Variants in EFCAB3 observed in about 807,000 individuals in gnomAD.
The protein encoded by EFCAB3 is EF-hand calcium binding domain 3.
A neutral mutation model predicts 42.2 loss-of-function variants in EFCAB3; 36 were observed. The observed-to-expected ratio is 0.85, with a 90% CI of 0.65 to 1.13. The LOEUF (loss-of-function observed/expected upper bound fraction) is 1.13, where lower values mean the gene tolerates loss of function less well. Among genes scored for constraint, EFCAB3 ranks in the 50% most tolerant of loss-of-function variants. EFCAB3 has a pLI of 0.00. For missense variants in EFCAB3, 418 were observed against 505.1 expected, an observed-to-expected ratio of 0.83 and a Z score of 1.65; for synonymous variants, 170 against 172.8, an observed-to-expected ratio of 0.98 and a Z score of 0.13.
chr17:62,414,304 G>C (rs1038437448), intron 9 of EFCAB3, among the ~76,000 whole-genome samples: 6 of 152,154 alleles, frequency 3.9e-5, no homozygotes, highest in Non-Finnish European at 8.8e-5. Flanking sequence ...CTTGGCATTA[G>C]GTAAAGAACA....
In EFCAB3 at chr17:62,413,750, A is replaced by G. The variant is rs779062880; in HGVS notation, c.886A>G (p.Met296Val). 2 of 1,612,618 alleles carry G rather than the reference A, an allele frequency of 1.2e-6. No individual in the cohort carries two copies. The highest frequency in any genetic ancestry group is 1.7e-5 in the Admixed American group (1 of 59,868). Residue 296 changes from methionine (M) to valine (V), a missense_variant, in exon 9 of 10, where the codon ATG becomes GTG. By Grantham distance (21) the Met-to-Val change is conservative. Coordinates refer to ENST00000305286, the MANE Select transcript of EFCAB3 (RefSeq NM_173503.4). ...WKTQAANIKSMDPASGYSNNI... is the reference protein window; with the variant it reads ...WKTQAANIKSVDPASGYSNNI... ...CATAAAGGCAGCAAATATAAAGTCT[A>G]TGGACCCTGCCTCAGGTTATTCAAA...
At chr17:62,408,057 A>G (rs1157316515) in intron 8 of EFCAB3, among the ~76,000 whole-genome samples, 1 of 152,192 alleles carries the variant, frequency 6.6e-6, no homozygotes, top group Non-Finnish European at 1.5e-5. Flanking sequence ...TGGAAATAAG[A>G]GGACATTTAT....
Position 62,388,101 on chromosome 17 carries a change from T to A in EFCAB3, c.151+685T>A, listed in dbSNP as rs137898559. ...GGCGGGCACCTGTAATCCCAGCTAT[T>A]TGGGAGGCTGAGGCAGGGAGAATTG... On this transcript the variant is annotated intron_variant, in intron 3 of 9. Coordinates refer to ENST00000305286, the MANE Select transcript of EFCAB3 (RefSeq NM_173503.4). Among the ~76,000 whole-genome samples the A allele has an allele frequency of 3.7e-3, 569 of 152,116 alleles. 5 individuals carry two copies. Among genetic ancestry groups the A allele is most frequent in the African/African-American group, 0.013 (542 of 41,488 alleles).
At chr17:62,413,666 T>G (rs1055999096) in intron 8 of EFCAB3, 66 bp from the exon 9 acceptor site, 2 of 1,227,810 alleles carry the variant, frequency 1.6e-6, no homozygotes, top group Admixed American at 5.0e-5. Flanking sequence ...TTATTTATTA[T>G]GTCTTTTTGT....
chr17:62,383,205 G>A (rs2070219299), intron 2 of EFCAB3, 152 bp downstream of exon 2: 2 of 662,722 alleles, frequency 3.0e-6, no homozygotes, highest in South Asian at 4.4e-5. Context: ...GCCAGATGCA[G>A]TGGCTCACAC....
intron 6 of EFCAB3, among the ~76,000 whole-genome samples, chr17:62,398,324 C>T (rs980458344): frequency 9.9e-5 from 15 of 151,904 alleles, no homozygotes; most frequent in African/African-American, 2.2e-4. Flanking sequence ...TGCGGTGCTG[C>T]GCACCTGTAA....
intron 6 of EFCAB3, among the ~76,000 whole-genome samples, chr17:62,396,229 A>T (rs568524239): frequency 6.6e-6 from 1 of 152,316 alleles, no homozygotes; most frequent in Non-Finnish European, 1.5e-5. Context: ...ATGTGGAAGT[A>T]ACTAGACTAA....
At chr17:62,406,899 G>C (rs2070452764) in intron 7 of EFCAB3, 129 bp from the exon 8 acceptor site, 1 of 841,966 alleles carries the variant, frequency 1.2e-6, no homozygotes, top group Non-Finnish European at 1.8e-6. Flanking sequence ...GTGGGAGCAG[G>C]AGAGTGAAGA....
chr17:62,414,054 AT>A (rs2070523184), intron 9 of EFCAB3, among the ~76,000 whole-genome samples, 200 bp downstream of exon 9: 1 of 152,248 alleles, frequency 6.6e-6, no homozygotes, highest in Non-Finnish European at 1.5e-5. Flanking sequence ...AAGTGTTATG[AT>A]TCATCCTGCT....
intron 3 of EFCAB3, among the ~76,000 whole-genome samples, chr17:62,390,634 T>C (rs113672128): frequency 0.011 from 1,746 of 152,304 alleles, 38 homozygotes; most frequent in African/African-American, 0.039. Flanking sequence ...CAATCAATAT[T>C]TGTTGACTGC....
chr17:62,382,841 C>A, intron 1 of EFCAB3, 122 bp from the exon 2 acceptor site: 1 of 724,882 alleles, frequency 1.4e-6, no homozygotes, highest in Non-Finnish European at 2.2e-6. Flanking sequence ...GAGTTTGCAT[C>A]TATTACCATT....
At chr17:62,392,263 T>C (rs935106887) in intron 4 of EFCAB3, among the ~76,000 whole-genome samples, 5 of 149,884 alleles carry the variant, frequency 3.3e-5, no homozygotes, top group Non-Finnish European at 5.9e-5. Context: ...CACACACACA[T>C]ATATATATAG....
chr17:62,373,582 T>C (rs2070129480), intron 1 of EFCAB3, among the ~76,000 whole-genome samples: 1 of 152,136 alleles, frequency 6.6e-6, no homozygotes, highest in South Asian at 2.1e-4. Context: ...AATCACGCCA[T>C]GCACTCCAGC....
chr17:62,384,954 A>G (rs1176283367), intron 2 of EFCAB3, among the ~76,000 whole-genome samples: 1 of 152,244 alleles, frequency 6.6e-6, no homozygotes, highest in Non-Finnish European at 1.5e-5. Flanking sequence ...GCCCACCTGT[A>G]GGCTAATGTA....
upstream of EFCAB3, among the ~76,000 whole-genome samples, chr17:62,378,705 T>A (rs1023321798): frequency 4.0e-5 from 5 of 123,898 alleles, no homozygotes; most frequent in African/African-American, 1.6e-4. Flanking sequence ...TGTCTCTTTT[T>A]TAAAAAAAAT....
chr17:62,386,881 C>T (rs531220695), intron 2 of EFCAB3, among the ~76,000 whole-genome samples: 4 of 152,230 alleles, frequency 2.6e-5, no homozygotes, highest in African/African-American at 7.2e-5. Context: ...CTTGACCTCC[C>T]AGGCACAAGC....
intron 3 of EFCAB3, among the ~76,000 whole-genome samples, chr17:62,388,271 A>G (rs913481008): frequency 6.6e-6 from 1 of 152,214 alleles, no homozygotes; most frequent in African/African-American, 2.4e-5. Flanking sequence ...AACACAAGTT[A>G]TGATAGGAAA....
At chr17:62,374,989 C>T (rs1386290048) in intron 2 of EFCAB3, among the ~76,000 whole-genome samples, 1 of 152,152 alleles carries the variant, frequency 6.6e-6, no homozygotes, top group Non-Finnish European at 1.5e-5. Context: ...TGGCATACAC[C>T]TGTAGTTCCA....
chr17:62,395,230 C>T (rs748247321), intron 6 of EFCAB3, 42 bp downstream of exon 6: 2 of 1,603,238 alleles, frequency 1.2e-6, no homozygotes, highest in African/African-American at 1.3e-5. Context: ...TTCTCAGAAG[C>T]ATTATGAAGA....
Sources: gnomAD v4.1 joint callset for allele counts (sites outside exome capture counted in the v4.1 genomes callset) on GRCh38, gnomAD v4.1.1 for gene constraint, MANE v1.5 for transcripts, NCBI Gene and HGNC (gene_info 2026-07-23, HGNC 2026-07-21) for gene names.